LRP1B: variants seen among roughly 807,000 people sequenced by gnomAD.
LRP1B encodes the protein low-density lipoprotein receptor-related protein 1B.
LRP1B carries 217 observed loss-of-function variants against 556.6 expected under a neutral mutation model. That is an observed-to-expected ratio of 0.39 (90% CI 0.35 to 0.44). The LOEUF (loss-of-function observed/expected upper bound fraction) is 0.44, where lower values mean the gene tolerates loss of function less well. Ranked by LOEUF, LRP1B falls within the 20% of genes least tolerant of loss-of-function variation. The probability of loss-of-function intolerance (pLI) is 1.00; values close to 1 mark genes in which losing one functional copy is unlikely to be tolerated. For synonymous variants in LRP1B, 2,047 were observed against 1,865.8 expected, an observed-to-expected ratio of 1.10 and a Z score of -2.50; for missense variants, 5,053 against 5,620.8, an observed-to-expected ratio of 0.90 and a Z score of 3.23.
intron 85 of LRP1B, among the ~76,000 whole-genome samples, chr2:140,270,893 T>A (rs919558568): frequency 1.3e-5 from 2 of 151,972 alleles, no homozygotes; most frequent in African/African-American, 4.8e-5. Context: ...CTGTAACTAA[T>A]GTCAAACTAT....
intron 3 of LRP1B, among the ~76,000 whole-genome samples, chr2:141,380,238 A>T (rs76475350): frequency 1.3e-5 from 2 of 151,946 alleles, no homozygotes; most frequent in East Asian, 1.9e-4. Flanking sequence ...AAAAAAAAAA[A>T]AGCAAGCTCT....
intron 3 of LRP1B, among the ~76,000 whole-genome samples, chr2:141,465,676 A>G (rs961786640): frequency 2.0e-5 from 3 of 151,368 alleles, no homozygotes; most frequent in African/African-American, 4.9e-5. Flanking sequence ...CAGCCCCCCA[A>G]GTAGCTAGGA....
chr2:141,972,274 T>TGATTTA lies in LRP1B; in HGVS notation c.82+158368_82+158373dup, dbSNP rs773456076. 1.3e-3 allele frequency among the ~76,000 whole-genome samples: 192 copies of TGATTTA among 151,732 alleles called. 1 individual carries two copies. Among genetic ancestry groups the TGATTTA allele is most frequent in the Non-Finnish European group, 2.0e-3 (134 of 67,660 alleles). Reference sequence around the variant, plus strand: ...AGAATTTTTTAAAGTATATGTTAGTTGATTTAGATTGAGTATACAAATATT... The same window carrying TGATTTA: ...AGAATTTTTTAAAGTATATGTTAGTTGATTTAGATTTAGATTGAGTATACAAATATT... On this transcript the variant is annotated intron_variant, in intron 1 of 90. Coordinates refer to ENST00000389484, the MANE Select transcript of LRP1B (RefSeq NM_018557.3).
chr2:140,693,767 G>A (rs1402183898), intron 41 of LRP1B, among the ~76,000 whole-genome samples: 1 of 152,098 alleles, frequency 6.6e-6, no homozygotes, highest in Admixed American at 6.5e-5. Context: ...GAGTATGGTG[G>A]TGCAATCTTG....
chr2:140,350,774 A>T (rs1573830273), intron 77 of LRP1B, 23 bp downstream of exon 77: 1 of 1,600,758 alleles, frequency 6.2e-7, no homozygotes, highest in Non-Finnish European at 8.5e-7. Context: ...TGGACTTTCA[A>T]ATATACAATG....
intron 1 of LRP1B, among the ~76,000 whole-genome samples, chr2:141,909,497 GTTAAT>G (rs1438629830): frequency 2.7e-5 from 4 of 147,726 alleles, no homozygotes; most frequent in East Asian, 2.0e-4. Flanking sequence ...AGGCATCTGG[GTTAAT>G]TTAATCAGAC....
At chr2:141,384,527 G>T (rs1689760491) in intron 3 of LRP1B, among the ~76,000 whole-genome samples, 2 of 151,964 alleles carry the variant, frequency 1.3e-5, no homozygotes, top group Admixed American at 1.3e-4. Context: ...GAATTTCTGG[G>T]GTGCCAGATG....
chr2:140,304,395 T>C (rs190136814), intron 83 of LRP1B, among the ~76,000 whole-genome samples: 9 of 152,322 alleles, frequency 5.9e-5, no homozygotes, highest in Admixed American at 2.0e-4. Context: ...TGATTTGTAT[T>C]TCTCTGATGG....
At chr2:140,289,844 T>G (rs552333350) in intron 84 of LRP1B, among the ~76,000 whole-genome samples, 1 of 152,162 alleles carries the variant, frequency 6.6e-6, no homozygotes, top group African/African-American at 2.4e-5. Context: ...AAATCTAATT[T>G]TATTTTTACA....
At chr2:141,363,420 T>C (rs1433522776) in intron 3 of LRP1B, among the ~76,000 whole-genome samples, 1 of 151,054 alleles carries the variant, frequency 6.6e-6, no homozygotes, top group African/African-American at 2.5e-5. Flanking sequence ...TATTTCTTAA[T>C]GACACTTAGA....
chr2:142,058,113 T>C (rs563650123), intron 1 of LRP1B, among the ~76,000 whole-genome samples: 6 of 152,174 alleles, frequency 3.9e-5, no homozygotes, highest in Non-Finnish European at 7.4e-5. Flanking sequence ...CCCACTGTTA[T>C]TAACGTATAG....
chr2:141,392,456 C>T (rs1690086207), intron 3 of LRP1B, among the ~76,000 whole-genome samples: 1 of 71,396 alleles, frequency 1.4e-5, no homozygotes, highest in East Asian at 5.1e-4. Flanking sequence ...GCATTGTCCT[C>T]TCTTAAAAAA....
chr2:140,233,217 A>G lies in LRP1B; in HGVS notation c.13769T>C (p.Ile4590Thr), dbSNP rs755032750. The change falls in exon 91 of 91, where the codon ATA becomes ACA. Residue 4590 changes from isoleucine (I) to threonine (T), a missense_variant. Around this residue, in one of 5 missense-constraint regions of LRP1B, gnomAD observed 551 missense variants for 592.0 expected, o/e 0.93. Coordinates refer to ENST00000389484, the MANE Select transcript of LRP1B (RefSeq NM_018557.3). ...DERKELLPKK[I>T]EIGIRETVA The stretch of plus-strand genomic sequence containing the variant: ...CACTGTCTCTCTTATACCAATTTCT[A>G]TTTTCTTTGGAAGCAGTTCTTTCCT... 3.1e-6 allele frequency: 5 copies of G among 1,603,398 alleles called. No individual in the cohort carries two copies. Among genetic ancestry groups the G allele is most frequent in the Admixed American group, 1.7e-5 (1 of 59,432 alleles).
At chr2:140,340,646 G>A (rs955150140) in intron 77 of LRP1B, among the ~76,000 whole-genome samples, 1 of 149,042 alleles carries the variant, frequency 6.7e-6, no homozygotes, top group African/African-American at 2.5e-5. Context: ...TGGTTGAGGA[G>A]TAAATTTAAG....
At chr2:140,823,977 A>T (rs1198386768) in intron 31 of LRP1B, among the ~76,000 whole-genome samples, 1 of 151,970 alleles carries the variant, frequency 6.6e-6, no homozygotes, top group East Asian at 1.9e-4. Flanking sequence ...GCAGAAAAAA[A>T]TAGCTATTAA....
At chr2:140,322,873 C>G (rs1386529468) in intron 81 of LRP1B, among the ~76,000 whole-genome samples, 1 of 151,634 alleles carries the variant, frequency 6.6e-6, no homozygotes, top group Non-Finnish European at 1.5e-5. Context: ...AGGGTTTTGT[C>G]TACTTTTTAT....
intron 25 of LRP1B, among the ~76,000 whole-genome samples, chr2:140,883,469 T>C (rs919537415): frequency 6.6e-6 from 1 of 151,656 alleles, no homozygotes; most frequent in Non-Finnish European, 1.5e-5. Flanking sequence ...AATTACAACA[T>C]CTCTTTGGCA....
At chr2:140,620,437 T>C (rs982005944) in intron 41 of LRP1B, among the ~76,000 whole-genome samples, 2 of 152,218 alleles carry the variant, frequency 1.3e-5, no homozygotes, top group African/African-American at 4.8e-5. Flanking sequence ...ATATATGTTT[T>C]AGGAAATGTT....
At chr2:141,116,149 T>G (rs1331446480) in intron 7 of LRP1B, among the ~76,000 whole-genome samples, 1 of 152,184 alleles carries the variant, frequency 6.6e-6, no homozygotes, top group African/African-American at 2.4e-5. Context: ...CATTTTAGAT[T>G]CCTAAAGTAA....
Sources: gnomAD v4.1 joint callset for allele counts (sites outside exome capture counted in the v4.1 genomes callset) on GRCh38, gnomAD v4.1.1 for gene constraint, gnomAD v4.1.1 regional missense constraint, MANE v1.5 for transcripts, NCBI Gene and HGNC (gene_info 2026-07-23, HGNC 2026-07-21) for gene names.